Variants in SYT16 observed in about 807,000 individuals in gnomAD.
SYT16 encodes synaptotagmin 16.
In SYT16, 42 loss-of-function variants were observed where a neutral mutation model predicts 61.4. The ratio of observed to expected loss-of-function variants is 0.68; its 90% CI spans 0.53 to 0.89. The LOEUF is 0.89. SYT16 is among the 40% of genes least tolerant of loss of function. The probability of loss-of-function intolerance (pLI) is 0.00; values close to 1 mark genes in which losing one functional copy is unlikely to be tolerated. For synonymous variants in SYT16, 314 were observed against 302.3 expected, an observed-to-expected ratio of 1.04 and a Z score of -0.40; for missense variants, 804 against 807.3, an observed-to-expected ratio of 1.00 and a Z score of 0.05.
chr14:62,071,311 C>T (rs927423681), intron 4 of SYT16, among the ~76,000 whole-genome samples: 5 of 152,210 alleles, frequency 3.3e-5, no homozygotes, highest in African/African-American at 4.8e-5. Flanking sequence ...CTAATGGCCC[C>T]ATTTCCCAAA....
chr14:62,057,423 C>A (rs989203680), intron 3 of SYT16, among the ~76,000 whole-genome samples: 1 of 151,986 alleles, frequency 6.6e-6, no homozygotes, highest in South Asian at 2.1e-4. Context: ...GAAGAGGGTC[C>A]AATAACTAGA....
intron 1 of SYT16, among the ~76,000 whole-genome samples, chr14:61,829,012 G>A (rs1419949872): frequency 6.6e-6 from 1 of 152,252 alleles, no homozygotes; most frequent in African/African-American, 2.4e-5. Context: ...GAACTGTAAT[G>A]AAACAATAAG....
chr14:62,019,095 T>C (rs921362101), intron 3 of SYT16, among the ~76,000 whole-genome samples: 4 of 152,270 alleles, frequency 2.6e-5, no homozygotes, highest in African/African-American at 9.6e-5. Context: ...AGTGGAATTA[T>C]AAGCTATTGA....
At chr14:61,960,248 G>C (rs972486084) in intron 1 of SYT16, among the ~76,000 whole-genome samples, 3 of 152,130 alleles carry the variant, frequency 2.0e-5, no homozygotes, top group African/African-American at 7.2e-5. Context: ...AATGTCACTG[G>C]TAGTTTGATA....
At chr14:61,924,628 GCTT>G (rs2049462261) in intron 1 of SYT16, among the ~76,000 whole-genome samples, 1 of 152,110 alleles carries the variant, frequency 6.6e-6, no homozygotes, top group South Asian at 2.1e-4. Context: ...ACCAACTTGT[GCTT>G]CTTTTTTTCT....
intron 3 of SYT16, among the ~76,000 whole-genome samples, chr14:62,017,155 T>G (rs569049908): frequency 1.3e-5 from 2 of 152,328 alleles, no homozygotes; most frequent in East Asian, 3.9e-4. Context: ...AAACTGATAT[T>G]CATCAAATAC....
intron 3 of SYT16, among the ~76,000 whole-genome samples, chr14:62,023,787 G>C (rs907242317): frequency 6.6e-6 from 1 of 152,074 alleles, no homozygotes; most frequent in African/African-American, 2.4e-5. Flanking sequence ...CTGATAAAAG[G>C]TACTCCATCC....
intron 1 of SYT16, among the ~76,000 whole-genome samples, chr14:61,849,566 TTC>T (rs1233567621): frequency 6.6e-6 from 1 of 152,058 alleles, no homozygotes; most frequent in East Asian, 1.9e-4. Context: ...ACTGGCTGAG[TTC>T]TGTCTGGTGT....
intron 1 of SYT16, among the ~76,000 whole-genome samples, chr14:61,825,487 C>G (rs755207881): frequency 1.4e-4 from 21 of 152,126 alleles, no homozygotes; most frequent in Non-Finnish European, 2.4e-4. Flanking sequence ...TTGAGACCAG[C>G]CTGGGCCACA....
chr14:61,995,882 G>C lies in SYT16; in HGVS notation c.-138G>C. 1.5e-5 allele frequency: 13 copies of C among 855,978 alleles called. No homozygotes were observed. The highest frequency in any genetic ancestry group is 2.2e-5 in the Non-Finnish European group (13 of 580,624). The allele number at this position is 855,978 out of a possible 1,614,324, so 53.0% of individuals were successfully genotyped here. A position where few individuals can be genotyped will look rare whatever the true frequency, so the allele number is the denominator to read the frequency against. ...TTTCTTTCCTCTGTTTCAGCTGGAAGTTTTGAGAGTGAAATATTCACAGCC... is the reference window on the plus strand; with the variant it reads ...TTTCTTTCCTCTGTTTCAGCTGGAACTTTTGAGAGTGAAATATTCACAGCC... On this transcript the variant is annotated 5_prime_UTR_variant, in exon 3 of 8. Coordinates refer to ENST00000683842, the MANE Select transcript of SYT16 (RefSeq NM_001367656.1).
intron 1 of SYT16, among the ~76,000 whole-genome samples, chr14:61,929,065 G>C (rs2049654452): frequency 6.6e-6 from 1 of 152,200 alleles, no homozygotes; most frequent in African/African-American, 2.4e-5. Context: ...CTTCAGCACT[G>C]GCTTAGTTCA....
At chr14:62,075,594 G>A (rs1253565325) in intron 5 of SYT16, among the ~76,000 whole-genome samples, 1 of 117,824 alleles carries the variant, frequency 8.5e-6, no homozygotes. Flanking sequence ...GGAAAAAAAA[G>A]GATGAACGGT....
intron 1 of SYT16, among the ~76,000 whole-genome samples, chr14:61,944,052 A>G (rs2050319417): frequency 6.6e-6 from 1 of 152,240 alleles, no homozygotes; most frequent in Non-Finnish European, 1.5e-5. Context: ...GTACAAAATC[A>G]GTGTGCAAAA....
At chr14:61,820,950 A>T (rs1178332869) in intron 1 of SYT16, among the ~76,000 whole-genome samples, 1 of 152,176 alleles carries the variant, frequency 6.6e-6, no homozygotes, top group Non-Finnish European at 1.5e-5. Flanking sequence ...TGTCTCAGAC[A>T]TCTGCTCTGG....
intron 1 of SYT16, among the ~76,000 whole-genome samples, chr14:61,896,538 G>A (rs78867985): frequency 0.036 from 5,437 of 152,224 alleles, 333 homozygotes; most frequent in African/African-American, 0.12. Context: ...AAATCCTTGG[G>A]TATGGCCAGT....
intron 3 of SYT16, among the ~76,000 whole-genome samples, chr14:61,999,210 T>C (rs1238294695): frequency 6.6e-6 from 1 of 151,866 alleles, no homozygotes; most frequent in Admixed American, 6.6e-5. Context: ...ATTATTATTT[T>C]TTAATGTTTG....
At chr14:62,076,531 G>T (rs1337172315) in intron 5 of SYT16, among the ~76,000 whole-genome samples, 3 of 152,048 alleles carry the variant, frequency 2.0e-5, no homozygotes, top group Non-Finnish European at 4.4e-5. Context: ...CTAAGGAGGG[G>T]TATGCATACA....
At chr14:62,028,569 T>C (rs1020938177) in intron 3 of SYT16, among the ~76,000 whole-genome samples, 3 of 152,094 alleles carry the variant, frequency 2.0e-5, no homozygotes, top group African/African-American at 7.2e-5. Context: ...AACTTTTAGG[T>C]GAGTTGGAAA....
At chr14:61,815,713 G>T (rs145197528) in intron 1 of SYT16, among the ~76,000 whole-genome samples, 2,000 of 152,276 alleles carry the variant, frequency 0.013, 25 homozygotes, top group Non-Finnish European at 0.021. Context: ...TCATGAAATC[G>T]TGAGGAACTT....
Sources: allele counts gnomAD v4.1 joint callset (sites outside exome capture counted in the v4.1 genomes callset), GRCh38; gene constraint gnomAD v4.1.1; transcripts MANE v1.5; gene names NCBI Gene and HGNC (gene_info 2026-07-23, HGNC 2026-07-21).